Variants in PGCKA1 observed in about 807,000 individuals in gnomAD.
PGCKA1 encodes the protein PDCD10 and GCKIII kinases associated 1.
At chr4:37,501,807 C>A in the PGCKA1 span, among the ~76,000 whole-genome samples, 1 of 152,138 alleles carries the variant, frequency 6.6e-6, no homozygotes. Context: ...GAGGTAATGT[C>A]ATTTGGAGGA....
chr4:37,590,597 T>C, the PGCKA1 span: 1 of 1,614,080 alleles, frequency 6.2e-7, no homozygotes, highest in Non-Finnish European at 8.5e-7. Context: ...GACCATGTCT[T>C]CCAGATACCA....
the PGCKA1 span, among the ~76,000 whole-genome samples, chr4:37,582,126 C>T: frequency 6.6e-6 from 1 of 152,210 alleles, no homozygotes; most frequent in African/African-American, 2.4e-5. Context: ...CGACATGCAG[C>T]CACTGCCAAG....
chr4:37,517,750 TACAA>T, the PGCKA1 span, among the ~76,000 whole-genome samples: 2 of 152,234 alleles, frequency 1.3e-5, no homozygotes, highest in Non-Finnish European at 2.9e-5. Context: ...TCCTTTGAGT[TACAA>T]ACAATCCAAT....
the PGCKA1 span, among the ~76,000 whole-genome samples, chr4:37,551,586 A>T: frequency 2.6e-5 from 4 of 152,240 alleles, no homozygotes; most frequent in Admixed American, 6.5e-5. Context: ...GTCTATAAGA[A>T]ATTTAACCTT....
chr4:37,481,896 TAGTG>T, the PGCKA1 span, among the ~76,000 whole-genome samples: 1 of 152,166 alleles, frequency 6.6e-6, no homozygotes, highest in South Asian at 2.1e-4. Flanking sequence ...ATTCTCATAA[TAGTG>T]AGTAAGTTCT....
chr4:37,582,343 T>C, the PGCKA1 span, among the ~76,000 whole-genome samples: 1 of 152,208 alleles, frequency 6.6e-6, no homozygotes, highest in Non-Finnish European at 1.5e-5. Flanking sequence ...TATCTGGCCA[T>C]CTTGTTCTGC....
the PGCKA1 span, among the ~76,000 whole-genome samples, chr4:37,543,721 C>G: frequency 6.6e-6 from 1 of 151,684 alleles, no homozygotes; most frequent in Non-Finnish European, 1.5e-5. Flanking sequence ...GTAGTCCCAG[C>G]TACTCGGGAG....
the PGCKA1 span, among the ~76,000 whole-genome samples, chr4:37,564,436 A>G: frequency 6.6e-6 from 1 of 152,188 alleles, no homozygotes; most frequent in Non-Finnish European, 1.5e-5. Context: ...GACCCTGACC[A>G]GTACTTCTGG....
At chr4:37,580,664 C>G in the PGCKA1 span, among the ~76,000 whole-genome samples, 1 of 152,234 alleles carries the variant, frequency 6.6e-6, no homozygotes, top group East Asian at 1.9e-4. Flanking sequence ...GACACAAGCA[C>G]CCTTGTGGCC....
chr4:37,486,097 C>T, the PGCKA1 span, among the ~76,000 whole-genome samples: 1 of 152,182 alleles, frequency 6.6e-6, no homozygotes, highest in Non-Finnish European at 1.5e-5. Context: ...ATTTACTAAA[C>T]TCATATGTTC....
the PGCKA1 span, among the ~76,000 whole-genome samples, chr4:37,543,960 C>A: frequency 6.6e-6 from 1 of 152,252 alleles, no homozygotes; most frequent in South Asian, 2.1e-4. Context: ...AATACTTTTG[C>A]CTCTCTTCTG....
chr4:37,539,992 T>C, the PGCKA1 span, among the ~76,000 whole-genome samples: 851 of 152,236 alleles, frequency 5.6e-3, 11 homozygotes, highest in African/African-American at 0.019. Flanking sequence ...TACACCTTAC[T>C]GTTACTAAAT....
the PGCKA1 span, among the ~76,000 whole-genome samples, chr4:37,577,922 A>G: frequency 2.0e-5 from 3 of 152,126 alleles, no homozygotes; most frequent in East Asian, 5.8e-4. Flanking sequence ...GTTTGATATC[A>G]TTTCAATTTT....
the PGCKA1 span, among the ~76,000 whole-genome samples, chr4:37,563,051 C>A: frequency 6.6e-6 from 1 of 151,128 alleles, no homozygotes; most frequent in African/African-American, 2.4e-5. Context: ...CACGTAGGTT[C>A]ATCTACAATT....
the PGCKA1 span, among the ~76,000 whole-genome samples, chr4:37,464,390 C>T: frequency 2.6e-5 from 4 of 152,268 alleles, no homozygotes; most frequent in South Asian, 2.1e-4. Context: ...AAAACTGGGA[C>T]GCTAACTACT....
the PGCKA1 span, among the ~76,000 whole-genome samples, chr4:37,513,622 G>A: frequency 1.3e-5 from 2 of 152,288 alleles, no homozygotes; most frequent in South Asian, 2.1e-4. Flanking sequence ...TAGGCCGTGG[G>A]TGTTAGGGCT....
chr4:37,551,014 T>C, the PGCKA1 span, among the ~76,000 whole-genome samples: 5,210 of 149,396 alleles, frequency 0.035, 312 homozygotes, highest in African/African-American at 0.12. Context: ...AATAGTACCA[T>C]AAAAAAAAAA....
chr4:37,474,839 G>C, the PGCKA1 span, among the ~76,000 whole-genome samples: 1 of 152,118 alleles, frequency 6.6e-6, no homozygotes, highest in Non-Finnish European at 1.5e-5. Context: ...CATTAAATTA[G>C]ATTTCCTCTG....
At chr4:37,478,148 C>CA in the PGCKA1 span, among the ~76,000 whole-genome samples, 2 of 110,516 alleles carry the variant, frequency 1.8e-5, no homozygotes, top group African/African-American at 6.0e-5. Context: ...AAACACCCCC[C>CA]CCCACCGCCA....
Sources: gnomAD v4.1 joint callset for allele counts (sites outside exome capture counted in the v4.1 genomes callset) on GRCh38, gnomAD v4.1.1 for gene constraint, MANE v1.5 for transcripts, NCBI Gene and HGNC (gene_info 2026-07-23, HGNC 2026-07-21) for gene names.